Variants in ZXDA observed in about 807,000 individuals in gnomAD.
ZXDA encodes the protein zinc finger X-linked protein ZXDA.
ZXDA carries 5 observed loss-of-function variants against 10.1 expected under a neutral mutation model. The observed-to-expected ratio is 0.50, with a 90% confidence interval of 0.26 to 1.04. The LOEUF is 1.04. Among genes scored for constraint, ZXDA ranks in the 50% least tolerant of loss-of-function variants. The pLI is 0.14. For synonymous variants in ZXDA, 266 were observed against 313.1 expected, an observed-to-expected ratio of 0.85 and a Z score of 1.59; for missense variants, 501 against 672.4, an observed-to-expected ratio of 0.75 and a Z score of 2.82.
chrX:57,907,924 A>G lies in ZXDA; in HGVS notation c.*97T>C, dbSNP rs2014376890. Reference sequence around the variant, plus strand: ...CAGGGCTGTGCTCTTTTTGCAAACCAAAAAGAAATGACTGCACTTAAATAT... The same window carrying G: ...CAGGGCTGTGCTCTTTTTGCAAACCGAAAAGAAATGACTGCACTTAAATAT... On this transcript the variant is annotated 3_prime_UTR_variant, in exon 1 of 1. Transcript: ENST00000358697. 9.4e-7 allele frequency: 1 copy of G among 1,067,673 alleles called. No homozygotes were observed. Among genetic ancestry groups the G allele is most frequent in the Non-Finnish European group, 1.3e-6 (1 of 797,396 alleles). The allele number at this position is 1,067,673 out of a possible 1,213,427, so 88.0% of individuals were successfully genotyped here. A position where few individuals can be genotyped will look rare whatever the true frequency, so the allele number is the denominator to read the frequency against.
rs1255490566 is a variant in ZXDA at position 57,906,842 on chromosome X, T to C, written c.*1179A>G. 1 of 111,888 alleles carries C rather than the reference T, an allele frequency of 8.9e-6. No individual in the cohort carries two copies. The highest frequency in any genetic ancestry group is 3.2e-5 in the African/African-American group (1 of 30,783). 9.2% of individuals were successfully genotyped at this position (111,888 alleles called of 1,213,427 possible). A position where few individuals can be genotyped will look rare whatever the true frequency, so the allele number is the denominator to read the frequency against. Reference sequence around the variant, plus strand: ...TGTAAAATGCTATACTCACATAAGATAGATGGTATCTACTCAAAATGCAGA... The same window carrying C: ...TGTAAAATGCTATACTCACATAAGACAGATGGTATCTACTCAAAATGCAGA... On this transcript the variant is annotated 3_prime_UTR_variant, in exon 1 of 1. Coordinates refer to ENST00000358697, the MANE Select transcript of ZXDA (RefSeq NM_007156.5).
rs759179481 is a variant in ZXDA, at chrX:57,909,218, G to T, written c.1203C>A (p.Ile401=). 1.3e-5 allele frequency: 16 copies of T among 1,210,427 alleles called. No individual in the cohort carries two copies. Among genetic ancestry groups the T allele is most frequent in the Non-Finnish European group, 1.8e-5 (16 of 895,342 alleles). The change falls in exon 1 of 1, where the codon ATC becomes ATA. Residue 401 remains isoleucine, a synonymous_variant. Transcript: ENST00000358697. ...TATGGGAAAACAGAGCACTCACTGT[G>T]ATAAATGTCTTCTTGCAGCCAGAAA... is the stretch of plus-strand genomic sequence containing the variant. ...CAFSGCKKTF[I]TVSALFSHNR...
rs1183302261 is a variant in ZXDA at position 57,906,604 on chromosome X, G to C, written c.*1417C>G. ...AAACAGTTATAAACAAAATAGTCAT[G>C]AAACTCAAGAGTCGAATGGGAGAGT... On this transcript the variant is annotated 3_prime_UTR_variant, in exon 1 of 1. Transcript: ENST00000358697. The C allele has an allele frequency of 1.8e-5, 2 of 109,864 alleles. No homozygotes were observed. Among genetic ancestry groups the C allele is most frequent in the Non-Finnish European group, 3.8e-5 (2 of 52,706 alleles). 9.1% of individuals were successfully genotyped at this position (109,864 alleles called of 1,213,427 possible). A position where few individuals can be genotyped will look rare whatever the true frequency, so the allele number is the denominator to read the frequency against.
In ZXDA at chrX:57,907,811, C is replaced by A; in HGVS notation, c.*210G>T. ...CAATTTATAAATAAGGAAATTAAGG[C>A]TCAGATAGGTTAAGTGACTTGCTGA... On this transcript the variant is annotated 3_prime_UTR_variant, in exon 1 of 1. Coordinates refer to ENST00000358697, the MANE Select transcript of ZXDA (RefSeq NM_007156.5). 1 of 407,128 alleles carries A rather than the reference C, an allele frequency of 2.5e-6. No individual in the cohort carries two copies. The highest frequency in any genetic ancestry group is 7.0e-5 in the South Asian group (1 of 14,266). The allele number at this position is 407,128 out of a possible 1,213,427, so 33.6% of individuals were successfully genotyped here.
At position 57,909,736 on chromosome X, in the gene ZXDA, G is replaced by T; in HGVS notation, c.685C>A (p.Leu229Ile). ...GGCGCGGGTTCTGCGGGCTCGGCTA[G>T]CAGGAGGTCGGACCGCAGCTCTGGG... ...DCPELRSDLL[L>I]AEPAEPAPAP... The change falls in exon 1 of 1, where the codon CTA becomes ATA. Residue 229 changes from leucine (L) to isoleucine (I), a missense_variant. Leu to Ile is a conservative substitution (Grantham distance 5). Coordinates refer to ENST00000358697, the MANE Select transcript of ZXDA (RefSeq NM_007156.5). 1 of 1,189,029 alleles carries T rather than the reference G, an allele frequency of 8.4e-7. No homozygotes were observed. The highest frequency in any genetic ancestry group is 1.8e-5 in the South Asian group (1 of 54,158).
At position 57,906,126 on chromosome X, in the gene ZXDA, G is replaced by A. The variant is rs1010072115; in HGVS notation, c.*1895C>T. Among the ~76,000 whole-genome samples the A allele has an allele frequency of 1.2e-4, 13 of 112,057 alleles. No individual in the cohort carries two copies. Among genetic ancestry groups the A allele is most frequent in the Non-Finnish European group, 2.1e-4 (11 of 53,171 alleles). ...ACTTAAAAATTATAAAGACAGTAAA[G>A]ATGTATATCAAGGTGGTATATATTA... On this transcript the variant is annotated 3_prime_UTR_variant, in exon 1 of 1. Transcript: ENST00000358697.
rs373724275 is a variant in ZXDA, at chrX:57,907,989, T to A, written c.*32A>T. 20 of 1,173,637 alleles carry A rather than the reference T, an allele frequency of 1.7e-5. No homozygotes were observed. Among genetic ancestry groups the A allele is most frequent in the Admixed American group, 1.0e-4 (4 of 39,813 alleles). ...CCTCAAAATTGACTGTAATAAAAGTTAGCCACATGGCAAGGAATGAATAGA... is the reference window on the plus strand; with the variant it reads ...CCTCAAAATTGACTGTAATAAAAGTAAGCCACATGGCAAGGAATGAATAGA... On this transcript the variant is annotated 3_prime_UTR_variant, in exon 1 of 1. Coordinates refer to ENST00000358697, the MANE Select transcript of ZXDA (RefSeq NM_007156.5).
In ZXDA at chrX:57,909,099, A is replaced by G; in HGVS notation, c.1322T>C (p.Leu441Pro). 2 of 1,211,776 alleles carry G rather than the reference A, an allele frequency of 1.7e-6. No homozygotes were observed. Among genetic ancestry groups the G allele is most frequent in the Non-Finnish European group, 2.2e-6 (2 of 895,475 alleles). The change falls in exon 1 of 1, where the codon CTG becomes CCG. Residue 441 changes from leucine to proline, a missense_variant. This residue lies in a region of ZXDA where 171 missense variants were observed against 262.7 expected (regional missense o/e 0.65). Transcript: ENST00000358697. ...AGGTCTCTCGCCGGTGTGACTCCGC[A>G]GGTGAATTTTCAGCCTACAAGCCTT... ...YDKACRLKIHLRSHTGERPFL... is the reference protein window; with the variant it reads ...YDKACRLKIHPRSHTGERPFL...
Position 57,908,625 on chromosome X carries a change from C to G in ZXDA, c.1796G>C (p.Ser599Thr). ...ELTSQRQNDL[S>T]DAEIVSLFSD... ...GAAGAGAGACACTATCTCTGCATCA[C>G]TGAGATCATTCTGTCTCTGGCTGGT... Residue 599 changes from serine to threonine, a missense_variant, in exon 1 of 1, where the codon AGT (serine) becomes ACT (threonine). Ser to Thr is a moderately conservative substitution (Grantham distance 58). This residue lies in a region of ZXDA where 171 missense variants were observed against 262.7 expected (regional missense o/e 0.65). Transcript: ENST00000358697. 1 of 1,209,032 alleles carries G rather than the reference C, an allele frequency of 8.3e-7. No homozygotes were observed. Among genetic ancestry groups the G allele is most frequent in the Non-Finnish European group, 1.1e-6 (1 of 894,807 alleles).
chrX:57,910,225 A>T lies in ZXDA; in HGVS notation c.196T>A (p.Ser66Thr). Residue 66 changes from serine to threonine, a missense_variant, in exon 1 of 1, where the codon TCA (serine) becomes ACA (threonine). By Grantham distance (58) the Ser-to-Thr change is moderately conservative (BLOSUM62 1). Transcript: ENST00000358697. ...AACAGGCTTGGGCCAGGGCCCCGTG[A>T]TGCCGTGCTGGCCTCCTCGCGCCGC... ...GRRREEASTA[S>T]RGPGPSLFAP... is the part of the protein sequence containing the mutation. 1.7e-6 allele frequency: 2 copies of T among 1,185,588 alleles called. No homozygotes were observed. The highest frequency in any genetic ancestry group is 2.3e-6 in the Non-Finnish European group (2 of 886,926).
In ZXDA at chrX:57,909,276, T is replaced by C; in HGVS notation, c.1145A>G (p.His382Arg). 2 of 1,212,138 alleles carry C rather than the reference T, an allele frequency of 1.6e-6. No individual in the cohort carries two copies. The highest frequency in any genetic ancestry group is 1.8e-5 in the South Asian group (1 of 57,000). ...CTGGTAAGGCCTCTCGGGTTCGAAG[T>C]GGCTGCGCTGGTGGGCGCCGAGTTT... ...QAKLGAHQRS[H>R]FEPERPYQCA... Residue 382 changes from histidine (H) to arginine (R), a missense_variant, in exon 1 of 1, where the codon CAC (histidine) becomes CGC (arginine). Coordinates refer to ENST00000358697, the MANE Select transcript of ZXDA (RefSeq NM_007156.5).
chrX:57,907,993 C>T lies in ZXDA; in HGVS notation c.*28G>A. 1 of 1,177,628 alleles carries T rather than the reference C, an allele frequency of 8.5e-7. No individual in the cohort carries two copies. The highest frequency in any genetic ancestry group is 2.4e-4 in the Middle Eastern group (1 of 4,157). ...AAAATTGACTGTAATAAAAGTTAGC[C>T]ACATGGCAAGGAATGAATAGAGTTG... On this transcript the variant is annotated 3_prime_UTR_variant, in exon 1 of 1. Transcript: ENST00000358697.
rs762034090 is a variant in ZXDA, at chrX:57,908,317, A to G, written c.2104T>C (p.Leu702=). The change falls in exon 1 of 1, where the codon TTG becomes CTG. Residue 702 remains leucine, a synonymous_variant. Transcript: ENST00000358697. ...DEVSSVSVGP[L]GSLDSLAMKN... ...ATGGCCAAAGAGTCCAGAGATCCCA[A>G]TGGCCCCACACTTACACTTGAGACC... 24 of 1,197,111 alleles carry G rather than the reference A, an allele frequency of 2.0e-5. No homozygotes were observed. The East Asian group carries it at 2.1e-4, about 10-fold the overall frequency.
chrX:57,909,980 G>C lies in ZXDA; in HGVS notation c.441C>G (p.Pro147=). ...AQGPHCLSAV[P]TPAPISAPGP... ...CGGGGGCGGAGATCGGGGCCGGAGT[G>C]GGAACCGCGGACAGGCAGTGGGGGC... The change falls in exon 1 of 1, where the codon CCC becomes CCG. Residue 147 remains proline (P), a synonymous_variant. Coordinates refer to ENST00000358697, the MANE Select transcript of ZXDA (RefSeq NM_007156.5). The C allele has an allele frequency of 8.9e-7, 1 of 1,123,835 alleles. No individual in the cohort carries two copies. Among genetic ancestry groups the C allele is most frequent in the Admixed American group, 2.9e-5 (1 of 34,505 alleles). 92.6% of individuals were successfully genotyped at this position (1,123,835 alleles called of 1,213,427 possible).
At position 57,910,256 on chromosome X, in the gene ZXDA, G is replaced by A. The variant is rs779513796; in HGVS notation, c.165C>T (p.Pro55=). The A allele has an allele frequency of 7.4e-5, 82 of 1,112,160 alleles. 1 individual carries two copies. The highest frequency in any genetic ancestry group is 7.0e-4 in the Middle Eastern group (2 of 2,855). The allele number at this position is 1,112,160 out of a possible 1,213,427, so 91.7% of individuals were successfully genotyped here. A position where few individuals can be genotyped will look rare whatever the true frequency, so the allele number is the denominator to read the frequency against. ...TGCTGGCCTCCTCGCGCCGCCGCCCGGGCCCGCCATCTTGGGGGCCCCGGG... is the reference window on the plus strand; with the variant it reads ...TGCTGGCCTCCTCGCGCCGCCGCCCAGGCCCGCCATCTTGGGGGCCCCGGG... ...LLPRGPQDGG[P]GRRREEASTA... The change falls in exon 1 of 1, where the codon CCC becomes CCT. Residue 55 remains proline (P), a synonymous_variant. Transcript: ENST00000358697.
rs755169169 is a variant in ZXDA at position 57,909,356 on chromosome X, C to T, written c.1065G>A (p.Glu355=). ...CCTCACATTTGAACGAGTTCTCCTG[C>T]TCATGGCCCTTCATGTGCGCCTTGA... is the stretch of plus-strand genomic sequence containing the variant. ...YNLKAHMKGH[E]QENSFKCEVC... is the part of the protein sequence containing the mutation. The change falls in exon 1 of 1, where the codon GAG becomes GAA. Residue 355 remains glutamate (E), a synonymous_variant. Transcript: ENST00000358697. 4 of 1,210,436 alleles carry T rather than the reference C, an allele frequency of 3.3e-6. No homozygotes were observed. In the Admixed American group the frequency reaches 8.7e-5, roughly 26 times the overall value.
Position 57,909,681 on chromosome X carries a change from C to T in ZXDA, c.740G>A (p.Gly247Asp). The part of the protein sequence containing the change: ...PAPAPQEEAE[G>D]LAAALGPRGL... ...GCGGGGGCCCAGGGCGGCGGCCAGGCCCTCCGCCTCCTCCTGGGGCGCCGG... is the reference window on the plus strand; with the variant it reads ...GCGGGGGCCCAGGGCGGCGGCCAGGTCCTCCGCCTCCTCCTGGGGCGCCGG... Residue 247 changes from glycine to aspartate, a missense_variant, in exon 1 of 1, where the codon GGC (glycine) becomes GAC (aspartate). By Grantham distance (94) the Gly-to-Asp change is moderately conservative. Coordinates refer to ENST00000358697, the MANE Select transcript of ZXDA (RefSeq NM_007156.5). 1 of 1,178,036 alleles carries T rather than the reference C, an allele frequency of 8.5e-7. No individual in the cohort carries two copies.
rs1323065093 is a variant in ZXDA, at chrX:57,905,857, A to ATAG, written c.*2161_*2163dup. Among the ~76,000 whole-genome samples, 5 of 111,915 alleles carry ATAG rather than the reference A, an allele frequency of 4.5e-5. No homozygotes were observed. Among genetic ancestry groups the ATAG allele is most frequent in the Non-Finnish European group, 9.4e-5 (5 of 53,131 alleles). ...TGTGACAGAGTTTTAAGATATCTATATAGTTATGTATCTTAATGGATGCCT... is the reference window on the plus strand; with the variant it reads ...TGTGACAGAGTTTTAAGATATCTATATAGTAGTTATGTATCTTAATGGATGCCT... On this transcript the variant is annotated 3_prime_UTR_variant, in exon 1 of 1. Transcript: ENST00000358697.
Position 57,908,985 on chromosome X carries a change from C to T in ZXDA, c.1436G>A (p.Arg479Lys). 1 of 1,211,476 alleles carries T rather than the reference C, an allele frequency of 8.3e-7. No individual in the cohort carries two copies. ...ACAGCCTTCCACAGGGCACATGAAC[C>T]TCCGGTCATCGTCGTGCTTCCTTTT... The part of the protein sequence containing the change: ...RHKRKHDDDR[R>K]FMCPVEGCGK... The change falls in exon 1 of 1, where the codon AGG becomes AAG. Residue 479 changes from arginine to lysine, a missense_variant. Coordinates refer to ENST00000358697, the MANE Select transcript of ZXDA (RefSeq NM_007156.5).
Sources: allele counts gnomAD v4.1 joint callset (sites outside exome capture counted in the v4.1 genomes callset), GRCh38; gene constraint gnomAD v4.1.1; regional missense constraint gnomAD v4.1.1; transcripts MANE v1.5; gene names NCBI Gene and HGNC (gene_info 2026-07-23, HGNC 2026-07-21).